The following EPB41L2 variants were observed in gnomAD, a reference collection of about 807,000 sequenced individuals.
EPB41L2 encodes band 4.1-like protein 2.
In EPB41L2, 43 loss-of-function variants were observed where a neutral mutation model predicts 113.0. The observed-to-expected ratio is 0.38, with a 90% CI of 0.30 to 0.49. The LOEUF (loss-of-function observed/expected upper bound fraction) is 0.49. EPB41L2 is among the 20% of genes least tolerant of loss of function. The pLI is 0.95. For synonymous variants in EPB41L2, 442 were observed against 436.7 expected (o/e 1.01, Z -0.15); for missense variants, 1,147 against 1,223.4 (o/e 0.94, Z 0.93).
intron 3 of EPB41L2, among the ~76,000 whole-genome samples, chr6:130,933,423 G>T (rs149130726): frequency 6.6e-6 from 1 of 151,862 alleles, no homozygotes. Context: ...TCTATTTTTC[G>T]TCTGTCTGCC....
intron 1 of EPB41L2, among the ~76,000 whole-genome samples, chr6:131,048,075 T>C (rs898656300): frequency 2.3e-5 from 3 of 132,176 alleles, no homozygotes; most frequent in East Asian, 2.1e-4. Context: ...GGGGCAGAGG[T>C]TGCAGTGAGC....
At chr6:130,887,987 C>A (rs1791582657) in intron 11 of EPB41L2, among the ~76,000 whole-genome samples, 1 of 151,958 alleles carries the variant, frequency 6.6e-6, no homozygotes, top group African/African-American at 2.4e-5. Context: ...AGATTGAATC[C>A]CACTTTTCAC....
chr6:130,945,305 G>C (rs1812430511), intron 3 of EPB41L2, among the ~76,000 whole-genome samples: 1 of 152,152 alleles, frequency 6.6e-6, no homozygotes, highest in South Asian at 2.1e-4. Context: ...AGTAATGATA[G>C]CAAATTGGAT....
chr6:131,045,948 C>CTT lies in EPB41L2; in HGVS notation c.-15+17205_-15+17206dup, dbSNP rs5880049. On this transcript the variant is annotated intron_variant, in intron 1 of 19. Coordinates refer to ENST00000337057, the MANE Select transcript of EPB41L2 (RefSeq NM_001431.4). ...TCTACGCCTATATTTTTCTTTCTCT[C>CTT]TTTTTTTTTTTTTTTTGAGATAGTG... Among the ~76,000 whole-genome samples, 1,335 of 138,644 alleles carry CTT rather than the reference C, an allele frequency of 9.6e-3. 26 individuals carry two copies. Among genetic ancestry groups the CTT allele is most frequent in the African/African-American group, 0.03 (1,152 of 37,924 alleles). 91.0% of individuals were successfully genotyped at this position (138,644 alleles called of 152,430 possible). A position where few individuals can be genotyped will look rare whatever the true frequency, so the allele number is the denominator to read the frequency against.
At chr6:130,861,362 G>A (rs907741690) in intron 18 of EPB41L2, among the ~76,000 whole-genome samples, 4 of 151,722 alleles carry the variant, frequency 2.6e-5, no homozygotes, top group Non-Finnish European at 5.9e-5. Flanking sequence ...GTGAGCCACC[G>A]CCCCCAGCCT....
intron 3 of EPB41L2, among the ~76,000 whole-genome samples, chr6:130,945,723 A>G (rs549221597): frequency 5.9e-5 from 9 of 152,326 alleles, no homozygotes; most frequent in African/African-American, 2.2e-4. Flanking sequence ...AGAATAGAAG[A>G]GAGGAAGTGA....
chr6:130,899,664 G>T, intron 7 of EPB41L2, 86 bp from the exon 8 acceptor site: 2 of 1,276,926 alleles, frequency 1.6e-6, no homozygotes, highest in Non-Finnish European at 2.2e-6. Flanking sequence ...TGCTCAGAGG[G>T]TTTGGAGGAG....
intron 1 of EPB41L2, among the ~76,000 whole-genome samples, chr6:130,995,206 G>A (rs1782801007): frequency 6.6e-6 from 1 of 152,112 alleles, no homozygotes; most frequent in Admixed American, 6.5e-5. Context: ...TGTGGTGATG[G>A]GCGCCTGTAG....
chr6:130,905,290 A>C (rs1333445753), intron 5 of EPB41L2, among the ~76,000 whole-genome samples: 4 of 152,132 alleles, frequency 2.6e-5, no homozygotes, highest in African/African-American at 9.7e-5. Context: ...AAAAAGTAAA[A>C]CTATGGGGGA....
At chr6:130,998,665 C>A (rs1783692565) in intron 1 of EPB41L2, among the ~76,000 whole-genome samples, 1 of 152,230 alleles carries the variant, frequency 6.6e-6, no homozygotes, top group Non-Finnish European at 1.5e-5. Context: ...TGTGAAAAAA[C>A]AACTTCAGCC....
At chr6:130,955,077 CT>C in intron 3 of EPB41L2, 27 bp downstream of exon 3, 1 of 1,595,236 alleles carries the variant, frequency 6.3e-7, no homozygotes, top group South Asian at 1.1e-5. Flanking sequence ...ACATATCAAG[CT>C]AGCTCTCACT....
Position 130,954,036 on chromosome 6 carries a change from C to CT in EPB41L2, c.705+1068dup, listed in dbSNP as rs1816328530. On this transcript the variant is annotated intron_variant, in intron 3 of 19. Transcript: ENST00000337057. The stretch of plus-strand genomic sequence containing the variant: ...TTAATCCTCTTTTGCTAGTCCTTTT[C>CT]TTTCTTTTTTTTTTTTTTTTTTTTT... Among the ~76,000 whole-genome samples the CT allele has an allele frequency of 1.1e-3, 51 of 45,506 alleles. 1 individual carries two copies. The highest frequency in any genetic ancestry group is 2.4e-3 in the African/African-American group (42 of 17,172). 29.9% of individuals were successfully genotyped at this position (45,506 alleles called of 152,430 possible).
intron 4 of EPB41L2, among the ~76,000 whole-genome samples, chr6:130,920,705 T>G (rs1281282483): frequency 1.3e-5 from 2 of 152,104 alleles, no homozygotes; most frequent in Non-Finnish European, 1.5e-5. Context: ...AGACAGAGTC[T>G]CACTATGTTG....
intron 3 of EPB41L2, among the ~76,000 whole-genome samples, chr6:130,942,287 T>C (rs1217354516): frequency 6.6e-6 from 1 of 152,196 alleles, no homozygotes; most frequent in Non-Finnish European, 1.5e-5. Context: ...CTCAAATCCC[T>C]GTCCCCCATA....
At chr6:130,843,833 T>C (rs1378689332) in intron 19 of EPB41L2, among the ~76,000 whole-genome samples, 1 of 152,206 alleles carries the variant, frequency 6.6e-6, no homozygotes, top group Non-Finnish European at 1.5e-5. Flanking sequence ...TCTTCAAGGA[T>C]ATATGTTGGT....
chr6:130,903,633 T>C (rs1456895629), intron 6 of EPB41L2, among the ~76,000 whole-genome samples: 1 of 151,910 alleles, frequency 6.6e-6, no homozygotes. Flanking sequence ...TACTTGACCA[T>C]GTAAGTAACC....
chr6:130,947,100 T>A (rs972952588), intron 3 of EPB41L2, among the ~76,000 whole-genome samples: 5 of 146,550 alleles, frequency 3.4e-5, no homozygotes, highest in African/African-American at 5.0e-5. Flanking sequence ...TTGACTTTGC[T>A]AGGTCCTGTA....
rs188728535 is a variant in EPB41L2, at chr6:130,923,342, A to T, written c.810+3263T>A. The stretch of plus-strand genomic sequence containing the variant: ...TCATCTCATATCCTTGCTTCAGCCT[A>T]TCAATGGTTTGCCATTTTTCTTAGC... On this transcript the variant is annotated intron_variant, in intron 4 of 19. Transcript: ENST00000337057. Among the ~76,000 whole-genome samples the T allele has an allele frequency of 2.6e-5, 4 of 152,296 alleles. No individual in the cohort carries two copies. The East Asian group carries it at 7.7e-4, about 29-fold the overall frequency.
intron 1 of EPB41L2, among the ~76,000 whole-genome samples, chr6:130,978,978 C>T (rs1015731292): frequency 6.6e-6 from 1 of 152,124 alleles, no homozygotes; most frequent in Non-Finnish European, 1.5e-5. Flanking sequence ...AAGATAAATG[C>T]ATTGTAGAGA....
Sources: gnomAD v4.1 joint callset for allele counts (sites outside exome capture counted in the v4.1 genomes callset) on GRCh38, gnomAD v4.1.1 for gene constraint, MANE v1.5 for transcripts, NCBI Gene and HGNC (gene_info 2026-07-23, HGNC 2026-07-21) for gene names.